Variants in GPHN observed in about 807,000 individuals in gnomAD.
The protein encoded by GPHN is gephyrin.
Under a neutral mutation model 95.5 loss-of-function variants are expected in GPHN, and 17 were observed. That is an observed-to-expected ratio of 0.18 (90% CI 0.12 to 0.27). GPHN has a LOEUF of 0.27. Among genes scored for constraint, GPHN ranks in the 10% least tolerant of loss-of-function variants. The pLI is 1.00. For synonymous variants in GPHN, 320 were observed against 322.5 expected (o/e 0.99, Z 0.08); for missense variants, 660 against 978.1 (o/e 0.67, Z 4.34).
rs147147554 is a variant in GPHN at position 66,997,146 on chromosome 14, A to G, written c.964-26487A>G. On this transcript the variant is annotated intron_variant, in intron 9 of 22. Transcript: ENST00000478722. The stretch of plus-strand genomic sequence containing the variant: ...TTTGTGAGGCCGAGATGGGTGGATC[A>G]CTTGAGGTCAGGAGTTTGAGACCAG... 3.1e-3 allele frequency among the ~76,000 whole-genome samples: 474 copies of G among 152,184 alleles called. 4 individuals carry two copies. The highest frequency in any genetic ancestry group is 9.9e-3 in the African/African-American group (410 of 41,522).
chr14:66,554,239 A>T (rs574461366), intron 1 of GPHN, among the ~76,000 whole-genome samples: 5 of 152,240 alleles, frequency 3.3e-5, no homozygotes, highest in Admixed American at 3.3e-4. Flanking sequence ...AATTAAGGTT[A>T]GGTTCTATAG....
In GPHN at chr14:67,159,508, A is replaced by C; in HGVS notation, c.1910+20A>C. 1 of 1,424,132 alleles carries C rather than the reference A, an allele frequency of 7.0e-7. No individual in the cohort carries two copies. The highest frequency in any genetic ancestry group is 9.9e-7 in the Non-Finnish European group (1 of 1,006,630). 88.2% of individuals were successfully genotyped at this position (1,424,132 alleles called of 1,614,324 possible). ...ACCAGGGTATGAAAATCATCTTGTT[A>C]TCTCATATATGGGGTTGGTTTGGCT... On this transcript the variant is annotated intron_variant, in intron 19 of 22. Coordinates refer to ENST00000478722, the MANE Select transcript of GPHN (RefSeq NM_020806.5).
chr14:67,543,863 G>GA, the GPHN span, among the ~76,000 whole-genome samples: 1 of 152,086 alleles, frequency 6.6e-6, no homozygotes, highest in Non-Finnish European at 1.5e-5. Flanking sequence ...GCTGAGCACA[G>GA]AAAAAAGTAA....
chr14:67,348,822 A>C, the GPHN span: 1 of 479,292 alleles, frequency 2.1e-6, no homozygotes, highest in Non-Finnish European at 3.7e-6. Flanking sequence ...GCCCAGCCGG[A>C]ACCTGCCTTC....
At chr14:66,787,329 A>C (rs1809914666) in intron 3 of GPHN, among the ~76,000 whole-genome samples, 1 of 152,190 alleles carries the variant, frequency 6.6e-6, no homozygotes, top group African/African-American at 2.4e-5. Flanking sequence ...ACTGCCAAAC[A>C]AAGAAATAAA....
intron 4 of GPHN, among the ~76,000 whole-genome samples, chr14:66,874,687 G>A (rs1176865408): frequency 6.6e-6 from 1 of 152,074 alleles, no homozygotes; most frequent in Non-Finnish European, 1.5e-5. Flanking sequence ...ATGAAATAAA[G>A]CATGAAGACA....
At chr14:67,347,661 C>T in the GPHN span, among the ~76,000 whole-genome samples, 74 of 152,006 alleles carry the variant, frequency 4.9e-4, 1 homozygote, top group Admixed American at 4.6e-4. Context: ...CCACCACACC[C>T]GGCTAATTTT....
the GPHN span, chr14:67,557,508 C>G: frequency 1.6e-6 from 2 of 1,269,024 alleles, no homozygotes; most frequent in Non-Finnish European, 1.1e-6. Flanking sequence ...CTCAAGCCCT[C>G]TAGTGCTGGG....
At chr14:67,415,980 GA>G in the GPHN span, among the ~76,000 whole-genome samples, 1 of 152,152 alleles carries the variant, frequency 6.6e-6, no homozygotes, top group Non-Finnish European at 1.5e-5. Context: ...CCTGTCAGGG[GA>G]TGTGGCGGGA....
At chr14:66,666,871 C>T (rs2065991659) in intron 1 of GPHN, among the ~76,000 whole-genome samples, 1 of 152,160 alleles carries the variant, frequency 6.6e-6, no homozygotes, top group African/African-American at 2.4e-5. Flanking sequence ...TGACATGATT[C>T]TGTATCTAGA....
the GPHN span, chr14:67,224,819 T>C: frequency 3.7e-6 from 1 of 267,294 alleles, no homozygotes; most frequent in African/African-American, 2.3e-5. Flanking sequence ...ACAAACCAAA[T>C]TCCTTGGAAT....
At chr14:67,663,099 C>T in the GPHN span, 20 of 1,507,410 alleles carry the variant, frequency 1.3e-5, no homozygotes, top group African/African-American at 9.8e-5. Context: ...ATGACTTGAA[C>T]GATGAGAACG....
chr14:67,214,197 T>C, the GPHN span, among the ~76,000 whole-genome samples: 3 of 152,234 alleles, frequency 2.0e-5, no homozygotes, highest in Non-Finnish European at 4.4e-5. Context: ...ATTTTGGCTT[T>C]TGTTGCCATT....
At chr14:66,888,493 A>G (rs1242530668) in intron 5 of GPHN, among the ~76,000 whole-genome samples, 2 of 152,198 alleles carry the variant, frequency 1.3e-5, no homozygotes, top group Admixed American at 1.3e-4. Context: ...GAGGTTTTGT[A>G]TGCTGTTGAA....
intron 1 of GPHN, 75 bp from the exon 2 acceptor site, chr14:66,681,032 T>A: frequency 1.2e-6 from 1 of 829,036 alleles, no homozygotes; most frequent in East Asian, 2.5e-5. Flanking sequence ...TTTCAAAATG[T>A]CTTTTGGTCA....
the GPHN span, among the ~76,000 whole-genome samples, chr14:67,345,191 G>C: frequency 4.7e-3 from 704 of 150,080 alleles, 5 homozygotes; most frequent in African/African-American, 0.016. Flanking sequence ...GCAGTGAGCT[G>C]GGATTATGCC....
At position 66,761,311 on chromosome 14, in the gene GPHN, A is replaced by G. The variant is rs573990042; in HGVS notation, c.144-15153A>G. Among the ~76,000 whole-genome samples, 173 of 152,340 alleles carry G rather than the reference A, an allele frequency of 1.1e-3. 1 individual carries two copies. The highest frequency in any genetic ancestry group is 4.0e-3 in the African/African-American group (165 of 41,584). ...TGCCATTTGGATAATGGCACTAGGC[A>G]GCATTTGTATAATAACTAGTGACAA... On this transcript the variant is annotated intron_variant, in intron 2 of 22. Coordinates refer to ENST00000478722, the MANE Select transcript of GPHN (RefSeq NM_020806.5).
At chr14:66,643,233 AAGT>A (rs1349940486) in intron 1 of GPHN, among the ~76,000 whole-genome samples, 1 of 152,126 alleles carries the variant, frequency 6.6e-6, no homozygotes, top group Non-Finnish European at 1.5e-5. Context: ...CAGAGTGGCT[AAGT>A]AAAAAAGATG....
At chr14:67,728,601 A>G in the GPHN span, among the ~76,000 whole-genome samples, 1 of 151,966 alleles carries the variant, frequency 6.6e-6, no homozygotes. Flanking sequence ...CTATTTTACA[A>G]GCCTCTTTAA....
Sources: gnomAD v4.1 joint callset for allele counts (sites outside exome capture counted in the v4.1 genomes callset) on GRCh38, gnomAD v4.1.1 for gene constraint, MANE v1.5 for transcripts, NCBI Gene and HGNC (gene_info 2026-07-23, HGNC 2026-07-21) for gene names.